SNX24: variants seen among roughly 807,000 people sequenced by gnomAD.
SNX24 encodes sorting nexin-24.
A neutral mutation model predicts 28.7 loss-of-function variants in SNX24; 22 were observed. The ratio of observed to expected loss-of-function variants is 0.77; its 90% confidence interval spans 0.55 to 1.10. SNX24 has a LOEUF of 1.10. Ranked by LOEUF, SNX24 falls within the 50% of genes least tolerant of loss-of-function variation. The probability of loss-of-function intolerance (pLI) is 0.00; values close to 1 mark genes in which losing one functional copy is unlikely to be tolerated. For missense variants in SNX24, 221 were observed against 201.1 expected (o/e 1.10, Z -0.60); for synonymous variants, 69 against 71.5 (o/e 0.96, Z 0.18).
intron 3 of SNX24, among the ~76,000 whole-genome samples, chr5:122,991,553 A>G (rs1009162193): frequency 6.6e-6 from 1 of 152,112 alleles, no homozygotes; most frequent in Non-Finnish European, 1.5e-5. Flanking sequence ...TCTGCCTCCC[A>G]GTTTCAAGTG....
At chr5:122,904,190 CT>C (rs977722871) in intron 1 of SNX24, among the ~76,000 whole-genome samples, 1 of 147,854 alleles carries the variant, frequency 6.8e-6, no homozygotes, top group Non-Finnish European at 1.5e-5. Context: ...TTTTTGTTTT[CT>C]TTTTTTTTGA....
At chr5:122,902,189 G>C (rs930022140) in intron 1 of SNX24, among the ~76,000 whole-genome samples, 1 of 152,164 alleles carries the variant, frequency 6.6e-6, no homozygotes, top group African/African-American at 2.4e-5. Context: ...GCTGTACCCT[G>C]CTGTGTCTCT....
intron 1 of SNX24, among the ~76,000 whole-genome samples, chr5:122,918,361 C>T (rs1758275546): frequency 6.6e-6 from 1 of 152,168 alleles, no homozygotes; most frequent in Admixed American, 6.5e-5. Flanking sequence ...TCCTATTTGC[C>T]TGTAGTTTGA....
intron 1 of SNX24, among the ~76,000 whole-genome samples, chr5:122,882,491 A>G (rs1756525259): frequency 6.6e-6 from 1 of 152,228 alleles, no homozygotes; most frequent in Non-Finnish European, 1.5e-5. Flanking sequence ...GATTCTGGAT[A>G]GAGAGCCCTC....
At chr5:122,955,267 C>T (rs190019470) in intron 3 of SNX24, among the ~76,000 whole-genome samples, 1 of 152,118 alleles carries the variant, frequency 6.6e-6, no homozygotes, top group Admixed American at 6.5e-5. Flanking sequence ...TTATATATGT[C>T]TTCATTGAGT....
At chr5:123,022,789 C>G (rs1762780964) in intron 5 of SNX24, 1 of 152,296 alleles carries the variant, frequency 6.6e-6, no homozygotes, top group Admixed American at 6.6e-5. Context: ...CTGGCCTCAT[C>G]TAGTTTAAAT....
chr5:123,002,163 A>G, intron 6 of SNX24, 159 bp downstream of exon 6: 1 of 637,034 alleles, frequency 1.6e-6, no homozygotes, highest in South Asian at 1.9e-5. Context: ...TTAGAATTTT[A>G]ATTGGGGCTG....
intron 1 of SNX24, among the ~76,000 whole-genome samples, chr5:122,932,721 T>C (rs988721336): frequency 3.9e-5 from 6 of 151,976 alleles, no homozygotes; most frequent in African/African-American, 1.2e-4. Context: ...TAGCTGGGCA[T>C]GGTGGCGGGC....
intron 3 of SNX24, among the ~76,000 whole-genome samples, chr5:122,981,990 A>T (rs35339188): frequency 0.22 from 33,970 of 152,258 alleles, 4,839 homozygotes; most frequent in Non-Finnish European, 0.33. Context: ...AGAGAAAAAG[A>T]TAGAAGGCAG....
At chr5:122,851,557 G>A (rs180925930) in intron 1 of SNX24, among the ~76,000 whole-genome samples, 63 of 152,258 alleles carry the variant, frequency 4.1e-4, no homozygotes, top group African/African-American at 1.4e-3. Context: ...TGTGTTATGC[G>A]TAGACATATA....
intron 1 of SNX24, among the ~76,000 whole-genome samples, chr5:122,870,740 A>G (rs549491825): frequency 3.9e-5 from 6 of 152,188 alleles, no homozygotes; most frequent in Non-Finnish European, 8.8e-5. Context: ...AGTTGGGGGA[A>G]GTGCCTGAGA....
chr5:122,910,198 G>A (rs1003148223), intron 1 of SNX24, among the ~76,000 whole-genome samples: 4 of 152,202 alleles, frequency 2.6e-5, no homozygotes, highest in Non-Finnish European at 4.4e-5. Flanking sequence ...CCACTGTGGT[G>A]TTCAGGGTTT....
intron 3 of SNX24, among the ~76,000 whole-genome samples, chr5:122,993,922 G>A (rs1483861598): frequency 6.6e-6 from 1 of 152,174 alleles, no homozygotes; most frequent in Non-Finnish European, 1.5e-5. Context: ...AAACTAGATG[G>A]AATGGAGAAA....
chr5:122,992,150 T>C (rs1450430293), intron 3 of SNX24, among the ~76,000 whole-genome samples: 1 of 152,178 alleles, frequency 6.6e-6, no homozygotes, highest in Non-Finnish European at 1.5e-5. Context: ...ACACCTAATA[T>C]GAAATGAAAC....
rs113949620 is a variant in SNX24, at chr5:122,928,377, C to T, written c.61-8357C>T. 4.2e-3 allele frequency among the ~76,000 whole-genome samples: 646 copies of T among 152,162 alleles called. 4 individuals carry two copies. The highest frequency in any genetic ancestry group is 0.015 in the African/African-American group (614 of 41,500). Reference sequence around the variant, plus strand: ...TATGTTACCTTACATGCAGAAGGGACTTGGTAAAAGAGTTTAAAGTTAAGG... The same window carrying T: ...TATGTTACCTTACATGCAGAAGGGATTTGGTAAAAGAGTTTAAAGTTAAGG... On this transcript the variant is annotated intron_variant, in intron 1 of 6. Coordinates refer to ENST00000261369, the MANE Select transcript of SNX24 (RefSeq NM_014035.4).
chr5:122,940,020 C>T (rs1468411421), intron 2 of SNX24, among the ~76,000 whole-genome samples: 2 of 150,000 alleles, frequency 1.3e-5, no homozygotes, highest in East Asian at 1.9e-4. Context: ...GACAGAGTCT[C>T]GCTCTTTTGC....
intron 3 of SNX24, among the ~76,000 whole-genome samples, chr5:122,999,453 G>A (rs374362197): frequency 1.9e-5 from 2 of 102,726 alleles, no homozygotes; most frequent in African/African-American, 2.7e-5. Context: ...CCTGTGGGGA[G>A]ATACACACAC....
chr5:122,947,695 T>C (rs30027), intron 3 of SNX24, among the ~76,000 whole-genome samples: 116,939 of 152,030 alleles, frequency 0.77, 45,846 homozygotes, highest in East Asian at 0.99. Context: ...AACAAACCCC[T>C]CCAAAAAATT....
rs192028919 is a variant in SNX24 at position 122,972,781 on chromosome 5, A to G, written c.249+26622A>G. Among the ~76,000 whole-genome samples, 52 of 152,278 alleles carry G rather than the reference A, an allele frequency of 3.4e-4. 1 individual carries two copies. The South Asian group carries it at 4.6e-3, about 13-fold the overall frequency. On this transcript the variant is annotated intron_variant, in intron 3 of 6. Transcript: ENST00000261369. ...CAAACCTCTGCCTTTTCCATGATGG[A>G]AGAGGTCCAGTATAATCAACCTGCC...
Sources: allele counts gnomAD v4.1 joint callset (sites outside exome capture counted in the v4.1 genomes callset), GRCh38; gene constraint gnomAD v4.1.1; transcripts MANE v1.5; gene names NCBI Gene and HGNC (gene_info 2026-07-23, HGNC 2026-07-21).